The following IFT80 variants were observed in gnomAD, a reference collection of about 807,000 sequenced individuals.
IFT80 encodes the protein intraflagellar transport protein 80 homolog.
A neutral mutation model predicts 107.9 loss-of-function variants in IFT80; 79 were observed. The ratio of observed to expected loss-of-function variants is 0.73; its 90% CI spans 0.61 to 0.88. The LOEUF is 0.88. Ranked by LOEUF, IFT80 falls within the 40% of genes least tolerant of loss-of-function variation. The probability of loss-of-function intolerance (pLI) is 0.00; values close to 1 mark genes in which losing one functional copy is unlikely to be tolerated. For missense variants in IFT80, 797 were observed against 914.2 expected (o/e 0.87, Z 1.65); for synonymous variants, 299 against 300.9 (o/e 0.99, Z 0.07).
At chr3:160,305,901 C>T (rs996526069) in intron 10 of IFT80, among the ~76,000 whole-genome samples, 11 of 152,070 alleles carry the variant, frequency 7.2e-5, no homozygotes, top group Non-Finnish European at 1.3e-4. Context: ...TCTCTATGTC[C>T]TTTAGCTTCA....
intron 10 of IFT80, among the ~76,000 whole-genome samples, chr3:160,305,869 G>A (rs1194109215): frequency 2.0e-5 from 3 of 152,128 alleles, no homozygotes; most frequent in African/African-American, 7.2e-5. Flanking sequence ...ATAATCTGAT[G>A]TAAGGTAAGT....
intron 12 of IFT80, among the ~76,000 whole-genome samples, chr3:160,290,425 G>GAAAAAAAAAAAAAA (rs531713127): frequency 8.8e-6 from 1 of 113,892 alleles, no homozygotes; most frequent in Admixed American, 8.8e-5. Flanking sequence ...AAAAAAAAAA[G>GAAAAAAAAAAAAAA]AAAAAAAAAA....
intron 6 of IFT80, among the ~76,000 whole-genome samples, chr3:160,359,705 G>A (rs370132028): frequency 1.3e-5 from 2 of 152,320 alleles, no homozygotes; most frequent in South Asian, 2.1e-4. Flanking sequence ...GTGATACCCA[G>A]GCAAACGGCC....
intron 18 of IFT80, among the ~76,000 whole-genome samples, chr3:160,271,965 A>T (rs1428969080): frequency 6.6e-6 from 1 of 152,032 alleles, no homozygotes; most frequent in Non-Finnish European, 1.5e-5. Flanking sequence ...CCTAAATCTA[A>T]TCAAGTTCCT....
At chr3:160,378,405 A>G (rs953170947) in intron 3 of IFT80, among the ~76,000 whole-genome samples, 1 of 152,060 alleles carries the variant, frequency 6.6e-6, no homozygotes, top group African/African-American at 2.4e-5. Context: ...TCAAGGTTTT[A>G]TATTCACAGT....
At position 160,258,572 on chromosome 3, in the gene IFT80, GC is replaced by G; in HGVS notation, c.2286del (p.Glu762AspfsTer12). 1 of 1,613,430 alleles carries G rather than the reference GC, an allele frequency of 6.2e-7. No homozygotes were observed. ...TTGCTGGATTGGCTGCTTGATGATTGCTCTCTTTCTTTTGTAATTTCCATCT... is the reference window on the plus strand; with the variant it reads ...TTGCTGGATTGGCTGCTTGATGATTGTCTCTTTCTTTTGTAATTTCCATCT... ...KIEMEITKER[E>X]QSSSSQSSKS... On this transcript the variant is annotated frameshift_variant, in exon 20 of 20. Transcript: ENST00000326448. LOFTEE classifies it high-confidence loss of function.
intron 3 of IFT80, 59 bp downstream of exon 3, chr3:160,381,444 T>G: frequency 4.0e-6 from 5 of 1,265,644 alleles, no homozygotes; most frequent in Non-Finnish European, 5.8e-6. Flanking sequence ...AAAGCATAAA[T>G]CATACTATTA....
rs1238874195 is a variant in IFT80, at chr3:160,377,342, A to G, written c.370+88T>C. 14 of 771,362 alleles carry G rather than the reference A, an allele frequency of 1.8e-5. No individual in the cohort carries two copies. In the Admixed American group the frequency reaches 2.6e-4, roughly 14 times the overall value. 47.8% of individuals were successfully genotyped at this position (771,362 alleles called of 1,614,324 possible). On this transcript the variant is annotated intron_variant, in intron 4 of 19. Coordinates refer to ENST00000326448, the MANE Select transcript of IFT80 (RefSeq NM_020800.3). ...ATTATTTGCTATTACACAATGAAAGACACTATTGCTAAATGAAAATATTCT... is the reference window on the plus strand; with the variant it reads ...ATTATTTGCTATTACACAATGAAAGGCACTATTGCTAAATGAAAATATTCT...
intron 8 of IFT80, among the ~76,000 whole-genome samples, chr3:160,341,054 A>G (rs1719858812): frequency 6.6e-6 from 1 of 151,450 alleles, no homozygotes; most frequent in Non-Finnish European, 1.5e-5. Context: ...TCACTCTGTC[A>G]CCCATGCTGG....
chr3:160,335,443 A>G (rs1197861933), intron 8 of IFT80, among the ~76,000 whole-genome samples: 1 of 151,910 alleles, frequency 6.6e-6, no homozygotes, highest in Non-Finnish European at 1.5e-5. Flanking sequence ...GCTGGTCTCA[A>G]ACTCCTGACC....
At position 160,319,904 on chromosome 3, in the gene IFT80, G is replaced by A; in HGVS notation, c.813C>T (p.Ser271=). The A allele has an allele frequency of 6.2e-7, 1 of 1,612,100 alleles. No homozygotes were observed. Among genetic ancestry groups the A allele is most frequent in the Non-Finnish European group, 8.5e-7 (1 of 1,179,124 alleles). The change falls in exon 9 of 20, where the codon AGC becomes AGT. Residue 271 remains serine, a synonymous_variant. Transcript: ENST00000326448. ...CGATAGACCATGCAATATTAAATAT[G>A]CTGCCAGTGTTGGGTTTTTCTAATG... ...SYALEKPNTG[S]IFNIAWSIDG...
chr3:160,386,641 C>G (rs1712956569), intron 1 of IFT80, among the ~76,000 whole-genome samples: 1 of 152,172 alleles, frequency 6.6e-6, no homozygotes, highest in Non-Finnish European at 1.5e-5. Flanking sequence ...CACAGCAAAT[C>G]TGGTCACTTC....
intron 12 of IFT80, 24 bp downstream of exon 12, chr3:160,300,859 G>A: frequency 2.6e-6 from 4 of 1,560,298 alleles, no homozygotes; most frequent in Non-Finnish European, 3.5e-6. Flanking sequence ...TATTTGACAG[G>A]AAAAATTATA....
At chr3:160,356,288 T>A in intron 7 of IFT80, 138 bp from the exon 8 acceptor site, 1 of 693,596 alleles carries the variant, frequency 1.4e-6, no homozygotes, top group Non-Finnish European at 2.3e-6. Context: ...AGTAAGGTAG[T>A]AAATAAAAAT....
chr3:160,386,164 A>C (rs1278310430), intron 1 of IFT80, among the ~76,000 whole-genome samples: 3 of 152,230 alleles, frequency 2.0e-5, no homozygotes, highest in Non-Finnish European at 2.9e-5. Context: ...GAATCAGAGA[A>C]AGTAAGACAA....
chr3:160,304,000 A>T lies in IFT80; in HGVS notation c.1077-11T>A. On this transcript the variant is annotated splice_polypyrimidine_tract_variant and intron_variant, in intron 10 of 19. Coordinates refer to ENST00000326448, the MANE Select transcript of IFT80 (RefSeq NM_020800.3). ...TTCCAGTTCTTCGTGCTAAAAGACA[A>T]GTAAAATGGATATTTATTAACATTT... The T allele has an allele frequency of 6.5e-7, 1 of 1,533,734 alleles. No homozygotes were observed. Among genetic ancestry groups the T allele is most frequent in the Non-Finnish European group, 9.0e-7 (1 of 1,107,126 alleles).
chr3:160,290,224 T>C (rs577007734), intron 12 of IFT80, among the ~76,000 whole-genome samples: 17 of 151,930 alleles, frequency 1.1e-4, no homozygotes, highest in African/African-American at 4.1e-4. Context: ...CTGGCCAACA[T>C]GGTGAAACCC....
At chr3:160,285,261 T>C (rs1715001258) in intron 13 of IFT80, among the ~76,000 whole-genome samples, 1 of 152,190 alleles carries the variant, frequency 6.6e-6, no homozygotes, top group Non-Finnish European at 1.5e-5. Context: ...TTAATAAAAC[T>C]AAAAGTGTCT....
At chr3:160,307,807 A>G (rs1483907221) in intron 9 of IFT80, 26 bp from the exon 10 acceptor site, 1 of 1,144,954 alleles carries the variant, frequency 8.7e-7, no homozygotes, top group South Asian at 1.2e-5. Context: ...TAAAATACCA[A>G]TAAACATTAT....
Sources: allele counts gnomAD v4.1 joint callset (sites outside exome capture counted in the v4.1 genomes callset), GRCh38; gene constraint gnomAD v4.1.1; transcripts MANE v1.5; gene names NCBI Gene and HGNC (gene_info 2026-07-23, HGNC 2026-07-21).